ADCY2: variants seen among roughly 807,000 people sequenced by gnomAD.
ADCY2 encodes the protein adenylate cyclase 2, also known as adenylate cyclase type 2.
ADCY2 carries 31 observed loss-of-function variants against 125.2 expected under a neutral mutation model. The ratio of observed to expected loss-of-function variants is 0.25; its 90% CI spans 0.19 to 0.33. ADCY2 has a LOEUF of 0.33. Among genes scored for constraint, ADCY2 ranks in the 10% least tolerant of loss-of-function variants. The probability of loss-of-function intolerance (pLI) is 1.00; values close to 1 mark genes in which losing one functional copy is unlikely to be tolerated. For synonymous variants in ADCY2, 512 were observed against 548.4 expected, an observed-to-expected ratio of 0.93 and a Z score of 0.93; for missense variants, 904 against 1,418.2, an observed-to-expected ratio of 0.64 and a Z score of 5.82.
At chr5:7,511,550 G>A (rs1361028410) in intron 2 of ADCY2, among the ~76,000 whole-genome samples, 1 of 152,020 alleles carries the variant, frequency 6.6e-6, no homozygotes, top group Admixed American at 6.5e-5. Flanking sequence ...ACTCCAGCCT[G>A]GGTGACAGAG....
chr5:7,764,649 G>T (rs1211933594), intron 16 of ADCY2, among the ~76,000 whole-genome samples: 3 of 152,190 alleles, frequency 2.0e-5, no homozygotes, highest in Admixed American at 6.5e-5. Flanking sequence ...TTTTATTTAG[G>T]ATGTTTTGAA....
rs147475545 is a variant in ADCY2 at position 7,717,137 on chromosome 5, A to G, written c.1623-20A>G. On this transcript the variant is annotated intron_variant, in intron 11 of 24. Coordinates refer to ENST00000338316, the MANE Select transcript of ADCY2 (RefSeq NM_020546.3). ...TTTACTAATAATATCCTTACCCATAATATTCCATTTTTCATATAGAACCAA... is the reference window on the plus strand; with the variant it reads ...TTTACTAATAATATCCTTACCCATAGTATTCCATTTTTCATATAGAACCAA... 5.6e-4 allele frequency: 856 copies of G among 1,524,424 alleles called. 6 individuals carry two copies. In the African/African-American group the frequency reaches 8.6e-3, roughly 15 times the overall value. 94.4% of individuals were successfully genotyped at this position (1,524,424 alleles called of 1,614,324 possible).
chr5:7,546,511 G>A (rs1309927559), intron 3 of ADCY2, among the ~76,000 whole-genome samples: 1 of 152,138 alleles, frequency 6.6e-6, no homozygotes, highest in South Asian at 2.1e-4. Flanking sequence ...GGATTCGGGG[G>A]CAGGCATGTA....
At chr5:7,544,091 A>G (rs1353050009) in intron 3 of ADCY2, among the ~76,000 whole-genome samples, 1 of 147,058 alleles carries the variant, frequency 6.8e-6, no homozygotes, top group Admixed American at 6.8e-5. Flanking sequence ...CTTAACCCCC[A>G]TCCTTTCCCT....
intron 2 of ADCY2, among the ~76,000 whole-genome samples, chr5:7,475,616 T>G (rs529216195): frequency 6.6e-6 from 1 of 152,252 alleles, no homozygotes; most frequent in Non-Finnish European, 1.5e-5. Context: ...CCCTGACTTC[T>G]GGCGATCCAC....
intron 2 of ADCY2, among the ~76,000 whole-genome samples, chr5:7,475,310 G>A (rs879848677): frequency 2.0e-5 from 3 of 152,164 alleles, no homozygotes; most frequent in Non-Finnish European, 4.4e-5. Flanking sequence ...TCCGTGGTCT[G>A]GAGAATGGAG....
At chr5:7,697,779 A>C (rs1170819414) in intron 6 of ADCY2, among the ~76,000 whole-genome samples, 1 of 152,226 alleles carries the variant, frequency 6.6e-6, no homozygotes, top group Non-Finnish European at 1.5e-5. Context: ...ATCTGCAGGT[A>C]AGAATCAGCT....
intron 2 of ADCY2, among the ~76,000 whole-genome samples, chr5:7,433,272 C>G (rs1346990185): frequency 6.6e-6 from 1 of 152,124 alleles, no homozygotes; most frequent in Non-Finnish European, 1.5e-5. Context: ...CTATTTTTAT[C>G]AAGTTTACTT....
intron 4 of ADCY2, among the ~76,000 whole-genome samples, chr5:7,650,587 G>C (rs1007219621): frequency 3.3e-5 from 5 of 152,144 alleles, no homozygotes; most frequent in African/African-American, 4.8e-5. Flanking sequence ...AGCCCACTGC[G>C]TGGGAGCCTC....
At chr5:7,559,508 C>G (rs1351573939) in intron 3 of ADCY2, among the ~76,000 whole-genome samples, 1 of 152,076 alleles carries the variant, frequency 6.6e-6, no homozygotes, top group African/African-American at 2.4e-5. Flanking sequence ...ATGCTAGTGA[C>G]TATTGCACAT....
chr5:7,434,301 T>C lies in ADCY2; in HGVS notation c.408+19531T>C, dbSNP rs1399565989. Among the ~76,000 whole-genome samples, 3 of 152,198 alleles carry C rather than the reference T, an allele frequency of 2.0e-5. No individual in the cohort carries two copies. In the East Asian group the frequency reaches 5.8e-4, roughly 29 times the overall value. ...TCAGTTGGGAACTAGATAAATCAAT[T>C]TGGCATTTTCATCCAATGAAATACT... On this transcript the variant is annotated intron_variant, in intron 2 of 24. Transcript: ENST00000338316.
intron 1 of ADCY2, among the ~76,000 whole-genome samples, chr5:7,411,097 T>C (rs542082915): frequency 2.6e-4 from 40 of 152,344 alleles, no homozygotes; most frequent in African/African-American, 9.1e-4. Context: ...GTTCTTCCCA[T>C]GACACCCTCA....
intron 2 of ADCY2, among the ~76,000 whole-genome samples, chr5:7,434,582 C>T (rs1040867444): frequency 3.3e-5 from 5 of 152,198 alleles, no homozygotes; most frequent in African/African-American, 1.2e-4. Flanking sequence ...ATATAAACTC[C>T]ACATGCTCTT....
At chr5:7,778,114 A>G (rs1743798924) in intron 18 of ADCY2, among the ~76,000 whole-genome samples, 1 of 152,224 alleles carries the variant, frequency 6.6e-6, no homozygotes, top group Non-Finnish European at 1.5e-5. Flanking sequence ...AGAGCTGTTG[A>G]GACACCAACT....
intron 2 of ADCY2, among the ~76,000 whole-genome samples, chr5:7,468,202 A>G (rs1397895799): frequency 6.6e-6 from 1 of 152,190 alleles, no homozygotes; most frequent in African/African-American, 2.4e-5. Flanking sequence ...CCTTTTGAAG[A>G]ACATACTTGG....
At chr5:7,784,642 G>A (rs181189036) in intron 19 of ADCY2, among the ~76,000 whole-genome samples, 193 bp downstream of exon 19, 67 of 152,082 alleles carry the variant, frequency 4.4e-4, no homozygotes, top group South Asian at 1.2e-3. Context: ...AATATCTTTC[G>A]TATTTTCCAC....
chr5:7,479,328 A>C (rs1261343738), intron 2 of ADCY2, among the ~76,000 whole-genome samples: 1 of 152,010 alleles, frequency 6.6e-6, no homozygotes, highest in East Asian at 1.9e-4. Context: ...TATTTACTCA[A>C]ATGTAAGAAG....
At chr5:7,695,000 C>T (rs994522115) in intron 5 of ADCY2, among the ~76,000 whole-genome samples, 2 of 152,328 alleles carry the variant, frequency 1.3e-5, no homozygotes, top group African/African-American at 4.8e-5. Context: ...CATGGGACAT[C>T]TTAAGGCATA....
intron 2 of ADCY2, among the ~76,000 whole-genome samples, chr5:7,490,336 T>G (rs1245960795): frequency 6.6e-6 from 1 of 152,204 alleles, no homozygotes; most frequent in Non-Finnish European, 1.5e-5. Flanking sequence ...TTTAACTGTT[T>G]GTAATTCATT....
Sources: gnomAD v4.1 joint callset for allele counts (sites outside exome capture counted in the v4.1 genomes callset) on GRCh38, gnomAD v4.1.1 for gene constraint, MANE v1.5 for transcripts, NCBI Gene and HGNC (gene_info 2026-07-23, HGNC 2026-07-21) for gene names.